The following UBR7 variants were observed in gnomAD, a reference collection of about 807,000 sequenced individuals.
UBR7 encodes putative E3 ubiquitin-protein ligase UBR7.
In UBR7, 22 loss-of-function variants were observed where a neutral mutation model predicts 57.0. The ratio of observed to expected loss-of-function variants is 0.39; its 90% CI spans 0.28 to 0.55. UBR7 has a LOEUF of 0.55. UBR7 is among the 20% of genes least tolerant of loss of function. The pLI is 0.69. For missense variants in UBR7, 395 were observed against 513.2 expected (o/e 0.77, Z 2.23); for synonymous variants, 167 against 179.8 (o/e 0.93, Z 0.57).
At chr14:93,211,496 G>A (rs1398900936) in intron 3 of UBR7, among the ~76,000 whole-genome samples, 2 of 151,846 alleles carry the variant, frequency 1.3e-5, no homozygotes, top group Non-Finnish European at 2.9e-5. Flanking sequence ...GCAGTTACCC[G>A]AGATTGTGCC....
chr14:93,226,290 C>T (rs1393029984), intron 10 of UBR7, among the ~76,000 whole-genome samples: 1 of 152,158 alleles, frequency 6.6e-6, no homozygotes, highest in East Asian at 1.9e-4. Context: ...TTTTCTTTCT[C>T]TTTCCTTCAC....
At position 93,215,178 on chromosome 14, in the gene UBR7, T is replaced by C; in HGVS notation, c.498T>C (p.His166=). The C allele has an allele frequency of 3.2e-6, 5 of 1,573,252 alleles. No homozygotes were observed. Among genetic ancestry groups the C allele is most frequent in the Non-Finnish European group, 4.3e-6 (5 of 1,157,766 alleles). ...VVCEDWFHGR[H]LGAIPPESGD... Reference sequence around the variant, plus strand: ...TTTTTGGTGTTCTATATTCACAGCATCTTGGTGCCATTCCCCCTGAGAGTG... The same window carrying C: ...TTTTTGGTGTTCTATATTCACAGCACCTTGGTGCCATTCCCCCTGAGAGTG... Residue 166 remains histidine (H), a splice_region_variant and synonymous_variant, in exon 6 of 11, where the codon CAT becomes CAC. Coordinates refer to ENST00000013070, the MANE Select transcript of UBR7 (RefSeq NM_175748.4).
intron 3 of UBR7, 130 bp from the exon 4 acceptor site, chr14:93,211,902 C>A: frequency 2.9e-6 from 2 of 678,778 alleles, no homozygotes; most frequent in Admixed American, 2.9e-5. Flanking sequence ...TTTTTTCCTA[C>A]TTTGAAAATT....
intron 4 of UBR7, among the ~76,000 whole-genome samples, chr14:93,214,067 C>T (rs2140100376): frequency 6.6e-6 from 1 of 152,308 alleles, no homozygotes. Context: ...GCTGGGATTA[C>T]AGGCACTCGC....
intron 10 of UBR7, among the ~76,000 whole-genome samples, chr14:93,226,525 TC>T (rs2140110332): frequency 6.6e-6 from 1 of 152,276 alleles, no homozygotes; most frequent in South Asian, 2.1e-4. Context: ...GCACGGTGGC[TC>T]ACGCCTGTAA....
At chr14:93,220,643 T>A (rs962269350) in intron 9 of UBR7, among the ~76,000 whole-genome samples, 5 of 152,168 alleles carry the variant, frequency 3.3e-5, no homozygotes, top group African/African-American at 1.2e-4. Flanking sequence ...CTATTCTGAT[T>A]AAGGGTAGAT....
intron 10 of UBR7, chr14:93,224,015 G>A (rs1894775952): frequency 3.7e-6 from 3 of 812,478 alleles, no homozygotes; most frequent in Non-Finnish European, 6.3e-6. Context: ...GAAGTCCCGG[G>A]ACTTGGCGAC....
At chr14:93,224,441 T>C (rs945226791) in intron 10 of UBR7, among the ~76,000 whole-genome samples, 1 of 146,424 alleles carries the variant, frequency 6.8e-6, no homozygotes, top group Non-Finnish European at 1.5e-5. Context: ...GGCAGTGGCG[T>C]GATCTCGGCT....
At chr14:93,225,917 C>T (rs1318835786) in intron 10 of UBR7, among the ~76,000 whole-genome samples, 1 of 152,162 alleles carries the variant, frequency 6.6e-6, no homozygotes, top group Admixed American at 6.5e-5. Context: ...CATTTTGCAA[C>T]TTGCAAGTAT....
In UBR7 at chr14:93,227,313, G is replaced by C; in HGVS notation, c.*278G>C. The C allele has an allele frequency of 1.7e-6, 1 of 601,836 alleles. No homozygotes were observed. Among genetic ancestry groups the C allele is most frequent in the Non-Finnish European group, 3.1e-6 (1 of 323,524 alleles). The allele number at this position is 601,836 out of a possible 1,614,324, so 37.3% of individuals were successfully genotyped here. A position where few individuals can be genotyped will look rare whatever the true frequency, so the allele number is the denominator to read the frequency against. On this transcript the variant is annotated 3_prime_UTR_variant, in exon 11 of 11. Transcript: ENST00000013070. ...GGTTATTTGCATAGTTTTTAAGTTT[G>C]ATTTTGTTTTGAGAAAGCAAATTGG...
chr14:93,213,315 AT>A (rs1380389490), intron 4 of UBR7, among the ~76,000 whole-genome samples: 2 of 147,260 alleles, frequency 1.4e-5, no homozygotes, highest in Non-Finnish European at 3.0e-5. Context: ...CTTTTTTTTC[AT>A]TTTTTTTTTC....
intron 1 of UBR7, 110 bp from the exon 2 acceptor site, chr14:93,209,714 A>G: frequency 1.4e-6 from 2 of 1,388,028 alleles, no homozygotes; most frequent in Non-Finnish European, 2.0e-6. Flanking sequence ...TTTTACAGAA[A>G]GATCTTGACC....
chr14:93,218,396 G>A, intron 6 of UBR7, 131 bp from the exon 7 acceptor site: 1 of 817,814 alleles, frequency 1.2e-6, no homozygotes, highest in Non-Finnish European at 2.0e-6. Context: ...GGACGACAGA[G>A]TGAGACTCTG....
chr14:93,224,204 G>A (rs532571272), intron 10 of UBR7: 48 of 539,334 alleles, frequency 8.9e-5, no homozygotes, highest in Non-Finnish European at 1.4e-4. Flanking sequence ...TGTCATAGAT[G>A]TGGGAAGAAC....
chr14:93,216,789 A>G (rs1894600983), intron 6 of UBR7, among the ~76,000 whole-genome samples: 1 of 151,738 alleles, frequency 6.6e-6, no homozygotes, highest in South Asian at 2.1e-4. Context: ...AAATTTTTGT[A>G]TTTTTAGTAG....
chr14:93,220,222 CTT>C (rs528210789), intron 8 of UBR7, 25 bp from the exon 9 acceptor site: 58,599 of 1,346,910 alleles, frequency 0.044, no homozygotes, highest in Admixed American at 0.074. Context: ...ACTCCTCTTT[CTT>C]TTTTTTTTTT....
At chr14:93,215,683 C>A (rs1173945805) in intron 6 of UBR7, among the ~76,000 whole-genome samples, 2 of 131,096 alleles carry the variant, frequency 1.5e-5, no homozygotes. Flanking sequence ...AACAAGACTC[C>A]ATCCTCAAAA....
In UBR7 at chr14:93,228,781, C is replaced by T. The variant is rs1307139433; in HGVS notation, c.*1746C>T. 2.2e-6 allele frequency: 1 copy of T among 454,104 alleles called. No homozygotes were observed. Among genetic ancestry groups the T allele is most frequent in the Non-Finnish European group, 4.4e-6 (1 of 226,798 alleles). 28.1% of individuals were successfully genotyped at this position (454,104 alleles called of 1,614,324 possible). A position where few individuals can be genotyped will look rare whatever the true frequency, so the allele number is the denominator to read the frequency against. ...TTAGTATACCATCATGTCCGGAAAA[C>T]TTTTAATCTTCTCAAATATCTGATG... is the stretch of plus-strand genomic sequence containing the variant. On this transcript the variant is annotated 3_prime_UTR_variant, in exon 11 of 11. Transcript: ENST00000013070.
Position 93,228,135 on chromosome 14 carries a change from G to A in UBR7, c.*1100G>A. 1.6e-6 allele frequency: 1 copy of A among 639,884 alleles called. No individual in the cohort carries two copies. The highest frequency in any genetic ancestry group is 1.5e-5 in the South Asian group (1 of 66,132). 39.6% of individuals were successfully genotyped at this position (639,884 alleles called of 1,614,324 possible). On this transcript the variant is annotated 3_prime_UTR_variant, in exon 11 of 11. Transcript: ENST00000013070. Reference sequence around the variant, plus strand: ...AGGCCCGAGGCTGCACGAATGATGAGTTTTGTGTATATAATGTTAATGTCC... The same window carrying A: ...AGGCCCGAGGCTGCACGAATGATGAATTTTGTGTATATAATGTTAATGTCC...
Sources: allele counts gnomAD v4.1 joint callset (sites outside exome capture counted in the v4.1 genomes callset), GRCh38; gene constraint gnomAD v4.1.1; transcripts MANE v1.5; gene names NCBI Gene and HGNC (gene_info 2026-07-23, HGNC 2026-07-21).